RORA: variants seen among roughly 807,000 people sequenced by gnomAD.
The protein encoded by RORA is nuclear receptor ROR-alpha.
Under a neutral mutation model 69.5 loss-of-function variants are expected in RORA, and 7 were observed. The observed-to-expected ratio is 0.10, with a 90% CI of 0.06 to 0.19. The LOEUF is 0.19. Ranked by LOEUF, RORA falls within the 10% of genes least tolerant of loss-of-function variation. The probability of loss-of-function intolerance (pLI) is 1.00; values close to 1 mark genes in which losing one functional copy is unlikely to be tolerated. For synonymous variants in RORA, 261 were observed against 240.8 expected, an observed-to-expected ratio of 1.08 and a Z score of -0.78; for missense variants, 457 against 663.0, an observed-to-expected ratio of 0.69 and a Z score of 3.41.
chr15:61,140,244 G>A (rs1218622044), intron 1 of RORA, among the ~76,000 whole-genome samples: 1 of 152,032 alleles, frequency 6.6e-6, no homozygotes. Context: ...GGCCCAACAC[G>A]GTACCTAAAA....
At chr15:60,974,582 G>A (rs1252972230) in intron 1 of RORA, among the ~76,000 whole-genome samples, 1 of 152,120 alleles carries the variant, frequency 6.6e-6, no homozygotes, top group Non-Finnish European at 1.5e-5. Context: ...CAAAATATAT[G>A]AAAAATTTGT....
chr15:61,087,088 T>C (rs11632537), intron 1 of RORA, among the ~76,000 whole-genome samples: 38,644 of 152,134 alleles, frequency 0.25, 5,619 homozygotes, highest in Non-Finnish European at 0.34. Flanking sequence ...GGAGGCTTGC[T>C]TGAGCCCAGG....
chr15:61,144,897 G>C (rs1208982860), intron 1 of RORA, among the ~76,000 whole-genome samples: 1 of 152,124 alleles, frequency 6.6e-6, no homozygotes, highest in African/African-American at 2.4e-5. Flanking sequence ...GAAACTATAA[G>C]TTTCGCTGTA....
At chr15:60,503,392 A>G in intron 7 of RORA, 143 bp downstream of exon 7, 1 of 707,740 alleles carries the variant, frequency 1.4e-6, no homozygotes. Context: ...CTTTGAAAAG[A>G]ACTCCATTTC....
intron 1 of RORA, among the ~76,000 whole-genome samples, chr15:60,991,862 C>T (rs1894390810): frequency 1.3e-5 from 2 of 151,998 alleles, no homozygotes; most frequent in African/African-American, 4.8e-5. Context: ...GCCATGACAG[C>T]ATCCCTGTAC....
At chr15:60,567,416 A>ATTT (rs199954074) in intron 2 of RORA, among the ~76,000 whole-genome samples, 140 of 142,802 alleles carry the variant, frequency 9.8e-4, no homozygotes, top group Non-Finnish European at 1.6e-3. Context: ...TATTATTATT[A>ATTT]TTTTTTTTTT....
intron 1 of RORA, among the ~76,000 whole-genome samples, chr15:60,870,059 G>A (rs574884449): frequency 7.9e-5 from 12 of 152,150 alleles, no homozygotes; most frequent in Non-Finnish European, 1.5e-4. Context: ...TGCAACAATG[G>A]TATAAGAATT....
In RORA at chr15:61,031,987, C is replaced by T. The variant is rs182267024; in HGVS notation, c.166+197066G>A. On this transcript the variant is annotated intron_variant, in intron 1 of 10. Coordinates refer to ENST00000335670, the MANE Select transcript of RORA (RefSeq NM_134261.3). Reference sequence around the variant, plus strand: ...AATCTGCCAAGGATGGTCATTTTATCGCTGATTACCTGATAGGGTTTGTCT... The same window carrying T: ...AATCTGCCAAGGATGGTCATTTTATTGCTGATTACCTGATAGGGTTTGTCT... 1.7e-4 allele frequency among the ~76,000 whole-genome samples: 26 copies of T among 152,254 alleles called. No individual in the cohort carries two copies. The East Asian group carries it at 4.2e-3, about 25-fold the overall frequency.
chr15:60,904,692 C>T (rs1199330872), intron 1 of RORA, among the ~76,000 whole-genome samples: 1 of 152,174 alleles, frequency 6.6e-6, no homozygotes, highest in African/African-American at 2.4e-5. Flanking sequence ...GCTCAAACTA[C>T]TCTATTCAAA....
At chr15:60,659,038 C>T (rs1027292589) in intron 2 of RORA, among the ~76,000 whole-genome samples, 1 of 152,118 alleles carries the variant, frequency 6.6e-6, no homozygotes, top group Non-Finnish European at 1.5e-5. Flanking sequence ...AAACCTGCTG[C>T]AGAGCATTAA....
At chr15:61,225,125 G>T (rs997925191) in intron 1 of RORA, among the ~76,000 whole-genome samples, 1 of 152,058 alleles carries the variant, frequency 6.6e-6, no homozygotes, top group African/African-American at 2.4e-5. Context: ...ATCATCAAAT[G>T]CCTTTTCTAT....
intron 1 of RORA, among the ~76,000 whole-genome samples, chr15:60,861,430 C>T (rs542711550): frequency 6.6e-6 from 1 of 152,264 alleles, no homozygotes; most frequent in South Asian, 2.1e-4. Flanking sequence ...TAGCTGGTGG[C>T]TCACCAGTGT....
intron 2 of RORA, among the ~76,000 whole-genome samples, chr15:60,548,882 C>T (rs2067152185): frequency 6.6e-6 from 1 of 152,318 alleles, no homozygotes; most frequent in East Asian, 1.9e-4. Flanking sequence ...GCCTTGGCCT[C>T]CCAAAGTGCT....
chr15:60,895,811 T>C (rs1891218311), intron 1 of RORA, among the ~76,000 whole-genome samples: 1 of 152,188 alleles, frequency 6.6e-6, no homozygotes. Flanking sequence ...ACTTTGACTT[T>C]TTACCTTGTT....
rs568687953 is a variant in RORA, at chr15:60,577,720, T to C, written c.197-45869A>G. Reference sequence around the variant, plus strand: ...CATCAGTCATTGCCATATTAGAAGTTAAAACTGGGAACATTTACACAATTT... The same window carrying C: ...CATCAGTCATTGCCATATTAGAAGTCAAAACTGGGAACATTTACACAATTT... On this transcript the variant is annotated intron_variant, in intron 2 of 10. Transcript: ENST00000335670. 5.3e-5 allele frequency among the ~76,000 whole-genome samples: 8 copies of C among 151,882 alleles called. No homozygotes were observed. The South Asian group carries it at 1.2e-3, about 24-fold the overall frequency.
At chr15:61,075,813 A>AAC (rs1455042668) in intron 1 of RORA, among the ~76,000 whole-genome samples, 2 of 152,160 alleles carry the variant, frequency 1.3e-5, no homozygotes, top group Non-Finnish European at 2.9e-5. Flanking sequence ...TCCCTGCTTC[A>AAC]ACACACACAC....
chr15:60,543,975 T>G (rs2066988936), intron 2 of RORA, among the ~76,000 whole-genome samples: 1 of 152,124 alleles, frequency 6.6e-6, no homozygotes. Context: ...AAGCCCACAG[T>G]GAGGCTGGCA....
intron 1 of RORA, among the ~76,000 whole-genome samples, chr15:61,091,280 T>A (rs1595975045): frequency 6.6e-6 from 1 of 152,168 alleles, no homozygotes; most frequent in African/African-American, 2.4e-5. Context: ...CTTTGTGAAC[T>A]GAACAAGCTG....
chr15:60,856,673 T>C (rs1047338337), intron 1 of RORA, among the ~76,000 whole-genome samples: 1 of 152,196 alleles, frequency 6.6e-6, no homozygotes, highest in Non-Finnish European at 1.5e-5. Flanking sequence ...TGAATTCAGG[T>C]GACTCCTGGC....
Sources: gnomAD v4.1 joint callset for allele counts (sites outside exome capture counted in the v4.1 genomes callset) on GRCh38, gnomAD v4.1.1 for gene constraint, MANE v1.5 for transcripts, NCBI Gene and HGNC (gene_info 2026-07-23, HGNC 2026-07-21) for gene names.